Variants in CSMD3 observed in about 807,000 individuals in gnomAD.
The protein encoded by CSMD3 is CUB and sushi domain-containing protein 3.
Under a neutral mutation model 435.2 loss-of-function variants are expected in CSMD3, and 177 were observed. The ratio of observed to expected loss-of-function variants is 0.41; its 90% CI spans 0.36 to 0.46. The LOEUF is 0.46. CSMD3 is among the 20% of genes least tolerant of loss of function. CSMD3 has a pLI of 0.34. For missense variants in CSMD3, 4,265 were observed against 4,504.6 expected (o/e 0.95, Z 1.52); for synonymous variants, 1,656 against 1,520.5 (o/e 1.09, Z -2.07).
At chr8:112,727,358 C>G (rs190970111) in intron 13 of CSMD3, among the ~76,000 whole-genome samples, 8 of 151,858 alleles carry the variant, frequency 5.3e-5, no homozygotes, top group Non-Finnish European at 1.2e-4. Flanking sequence ...GCAACATAAA[C>G]ATAAAGGGTC....
chr8:113,025,364 T>C (rs2086838459), intron 5 of CSMD3, among the ~76,000 whole-genome samples: 1 of 152,180 alleles, frequency 6.6e-6, no homozygotes, highest in South Asian at 2.1e-4. Flanking sequence ...GTGCAGTTTC[T>C]TCAGCTGTAA....
chr8:112,594,058 T>G (rs1206994702), intron 22 of CSMD3, among the ~76,000 whole-genome samples: 5 of 151,888 alleles, frequency 3.3e-5, no homozygotes, highest in African/African-American at 1.2e-4. Flanking sequence ...CAGCTCCCAG[T>G]GTGAGCGACG....
intron 12 of CSMD3, among the ~76,000 whole-genome samples, chr8:112,809,857 C>A (rs897697474): frequency 6.6e-6 from 1 of 152,140 alleles, no homozygotes; most frequent in Admixed American, 6.6e-5. Context: ...CAAAGAATAT[C>A]TTTCTCAAGA....
chr8:112,315,720 C>T (rs912993617), intron 47 of CSMD3, among the ~76,000 whole-genome samples: 3 of 151,836 alleles, frequency 2.0e-5, no homozygotes, highest in African/African-American at 7.2e-5. Flanking sequence ...ATTTAGGCAA[C>T]TGAATGAATG....
chr8:112,887,416 GCT>G (rs2081637459), intron 10 of CSMD3, among the ~76,000 whole-genome samples: 1 of 150,684 alleles, frequency 6.6e-6, no homozygotes. Flanking sequence ...AGTCATTGCA[GCT>G]CTTTTTATCT....
intron 28 of CSMD3, among the ~76,000 whole-genome samples, chr8:112,507,117 G>T (rs938208398): frequency 6.6e-6 from 1 of 151,956 alleles, no homozygotes; most frequent in South Asian, 2.1e-4. Flanking sequence ...TTTGTTTCAT[G>T]TCAAAAGAAA....
At chr8:112,598,565 A>C (rs1211259193) in intron 22 of CSMD3, among the ~76,000 whole-genome samples, 1 of 151,058 alleles carries the variant, frequency 6.6e-6, no homozygotes, top group African/African-American at 2.4e-5. Context: ...CGCCAAGGCA[A>C]TCCTAAGCCA....
chr8:113,222,583 T>G (rs1241970176), intron 3 of CSMD3, among the ~76,000 whole-genome samples: 1 of 151,172 alleles, frequency 6.6e-6, no homozygotes, highest in South Asian at 2.1e-4. Flanking sequence ...CATCACCATG[T>G]AGATAAAAAT....
intron 1 of CSMD3, among the ~76,000 whole-genome samples, chr8:113,362,803 A>G (rs1382852489): frequency 2.0e-5 from 3 of 152,294 alleles, no homozygotes; most frequent in African/African-American, 4.8e-5. Flanking sequence ...CTGGATTTTC[A>G]TAAGAACTTC....
chr8:112,476,579 T>G (rs1371474196), intron 31 of CSMD3, among the ~76,000 whole-genome samples: 1 of 152,212 alleles, frequency 6.6e-6, no homozygotes, highest in Non-Finnish European at 1.5e-5. Context: ...AAAGTGATGA[T>G]TCTAAAATGT....
At chr8:112,441,522 C>T (rs537458831) in intron 32 of CSMD3, among the ~76,000 whole-genome samples, 1 of 152,290 alleles carries the variant, frequency 6.6e-6, no homozygotes, top group Admixed American at 6.5e-5. Flanking sequence ...TCCAGCAGCA[C>T]ACCACTCTTT....
At chr8:112,659,082 G>A (rs1386560199) in intron 17 of CSMD3, among the ~76,000 whole-genome samples, 2 of 152,150 alleles carry the variant, frequency 1.3e-5, no homozygotes, top group East Asian at 3.9e-4. Context: ...AAAATGCACG[G>A]AAGAGTCAGG....
intron 32 of CSMD3, among the ~76,000 whole-genome samples, chr8:112,447,660 T>A (rs538673007): frequency 5.3e-5 from 8 of 152,180 alleles, no homozygotes; most frequent in Non-Finnish European, 1.0e-4. Context: ...TCTTACAAAA[T>A]TCAGTCTTTG....
At chr8:113,240,254 T>C (rs1262853646) in intron 3 of CSMD3, among the ~76,000 whole-genome samples, 1 of 152,208 alleles carries the variant, frequency 6.6e-6, no homozygotes, top group Non-Finnish European at 1.5e-5. Flanking sequence ...GTCCAGTCCA[T>C]CATTGATGAG....
chr8:112,450,296 A>G (rs2130588599), intron 32 of CSMD3, among the ~76,000 whole-genome samples: 1 of 152,336 alleles, frequency 6.6e-6, no homozygotes, highest in East Asian at 1.9e-4. Flanking sequence ...TGATTTCTGA[A>G]AAATGCACAA....
intron 3 of CSMD3, among the ~76,000 whole-genome samples, chr8:113,249,010 C>T (rs2093308585): frequency 6.6e-6 from 1 of 151,966 alleles, no homozygotes; most frequent in Non-Finnish European, 1.5e-5. Flanking sequence ...CCCCACGTGT[C>T]AAGGGTAGGA....
At chr8:113,322,044 T>C (rs2093952808) in intron 1 of CSMD3, among the ~76,000 whole-genome samples, 1 of 152,172 alleles carries the variant, frequency 6.6e-6, no homozygotes, top group Non-Finnish European at 1.5e-5. Context: ...CAAATTAATG[T>C]ACATACATGA....
intron 31 of CSMD3, among the ~76,000 whole-genome samples, chr8:112,491,818 C>T (rs11995372): frequency 0.017 from 2,642 of 152,146 alleles, 78 homozygotes; most frequent in African/African-American, 0.06. Context: ...TGACCTATAG[C>T]TGGGGAAATC....
At chr8:113,419,205 G>A (rs1335133728) in intron 1 of CSMD3, among the ~76,000 whole-genome samples, 1 of 148,084 alleles carries the variant, frequency 6.8e-6, no homozygotes, top group Non-Finnish European at 1.5e-5. Context: ...TGCAAACTCC[G>A]CCTCCTGGAT....
Sources: gnomAD v4.1 joint callset for allele counts (sites outside exome capture counted in the v4.1 genomes callset) on GRCh38, gnomAD v4.1.1 for gene constraint, MANE v1.5 for transcripts, NCBI Gene and HGNC (gene_info 2026-07-23, HGNC 2026-07-21) for gene names.